CRYBG3: variants seen among roughly 807,000 people sequenced by gnomAD.
CRYBG3 encodes very large A-kinase anchor protein.
CRYBG3 carries 127 observed loss-of-function variants against 244.2 expected under a neutral mutation model. That is an observed-to-expected ratio of 0.52 (90% CI 0.45 to 0.60). The LOEUF is 0.60. Ranked by LOEUF, CRYBG3 falls within the 20% of genes least tolerant of loss-of-function variation. The pLI is 0.00. For missense variants in CRYBG3, 3,325 were observed against 3,442.5 expected (o/e 0.97, Z 0.85); for synonymous variants, 1,132 against 1,195.8 (o/e 0.95, Z 1.10).
At chr3:97,838,293 A>C (rs746918643) in intron 1 of CRYBG3, among the ~76,000 whole-genome samples, 3 of 152,148 alleles carry the variant, frequency 2.0e-5, no homozygotes, top group Non-Finnish European at 4.4e-5. Flanking sequence ...CACACTTAAC[A>C]TCTTTAAATA....
intron 1 of CRYBG3, among the ~76,000 whole-genome samples, chr3:97,823,498 A>G (rs1343066648): frequency 6.6e-6 from 1 of 152,248 alleles, no homozygotes. Context: ...AACATGCCAC[A>G]TGTTTCCAAG....
At chr3:97,909,916 A>G (rs370283228) in intron 15 of CRYBG3, among the ~76,000 whole-genome samples, 1 of 147,470 alleles carries the variant, frequency 6.8e-6, no homozygotes, top group South Asian at 2.2e-4. Flanking sequence ...TGATGTACAG[A>G]TGGGTTTTTG....
chr3:97,911,615 C>A lies in CRYBG3; in HGVS notation c.8005-552C>A, dbSNP rs558584558. The stretch of plus-strand genomic sequence containing the variant: ...CCACTAATCCCGTCATTATTATCTC[C>A]TCTGCCATCTGCTTCTGTGCCCTCC... On this transcript the variant is annotated intron_variant, in intron 15 of 21. Coordinates refer to ENST00000389622, the MANE Select transcript of CRYBG3 (RefSeq NM_153605.4). Among the ~76,000 whole-genome samples, 7 of 152,322 alleles carry A rather than the reference C, an allele frequency of 4.6e-5. No homozygotes were observed. The South Asian group carries it at 1.4e-3, about 32-fold the overall frequency.
chr3:97,883,805 C>T (rs2039477513), intron 7 of CRYBG3, among the ~76,000 whole-genome samples: 1 of 152,146 alleles, frequency 6.6e-6, no homozygotes, highest in South Asian at 2.1e-4. Flanking sequence ...CTTTTTCCAA[C>T]GTTGTCAGAA....
At chr3:97,837,911 A>G (rs770839232) in intron 1 of CRYBG3, among the ~76,000 whole-genome samples, 1 of 152,224 alleles carries the variant, frequency 6.6e-6, no homozygotes, top group East Asian at 1.9e-4. Context: ...AAAGAAAGGC[A>G]TAGGAGGAGG....
At chr3:97,896,604 CAAG>C (rs943626114) in intron 12 of CRYBG3, among the ~76,000 whole-genome samples, 1 of 152,140 alleles carries the variant, frequency 6.6e-6, no homozygotes, top group African/African-American at 2.4e-5. Flanking sequence ...GCCTGTTTAG[CAAG>C]AGATTAACAT....
At chr3:97,890,854 A>G (rs1030765424) in intron 10 of CRYBG3, among the ~76,000 whole-genome samples, 7 of 152,190 alleles carry the variant, frequency 4.6e-5, no homozygotes, top group African/African-American at 1.7e-4. Flanking sequence ...TACTTAATGC[A>G]GCTAGTATTT....
In CRYBG3 at chr3:97,888,329, A is replaced by G. The variant is rs1367512712; in HGVS notation, c.7290-12A>G. The G allele has an allele frequency of 6.6e-7, 1 of 1,508,680 alleles. No homozygotes were observed. Among genetic ancestry groups the G allele is most frequent in the African/African-American group, 1.4e-5 (1 of 72,472 alleles). 93.5% of individuals were successfully genotyped at this position (1,508,680 alleles called of 1,614,324 possible). On this transcript the variant is annotated splice_polypyrimidine_tract_variant and intron_variant, in intron 8 of 21. Coordinates refer to ENST00000389622, the MANE Select transcript of CRYBG3 (RefSeq NM_153605.4). The stretch of plus-strand genomic sequence containing the variant: ...ACTATTATACTTTAACTAACTATCT[A>G]TTTTTATATAGTTGGCTTGCCTACC...
chr3:97,877,371 T>C lies in CRYBG3; in HGVS notation c.6177T>C (p.Gly2059=). 1 of 1,613,988 alleles carries C rather than the reference T, an allele frequency of 6.2e-7. No homozygotes were observed. Among genetic ancestry groups the C allele is most frequent in the South Asian group, 1.1e-5 (1 of 91,078 alleles). Residue 2059 remains glycine, a synonymous_variant, in exon 4 of 22, where the codon GGT becomes GGC. Transcript: ENST00000389622. ...ACTTTGAAAAAGGTACTAAATTAGG[T>C]GAGACATTTGATAGTGATAGTTCAG... ...VHHFEKGTKL[G]ETFDSDSSEM...
chr3:97,847,145 T>A (rs533589619), intron 2 of CRYBG3, among the ~76,000 whole-genome samples: 2 of 152,306 alleles, frequency 1.3e-5, no homozygotes, highest in Non-Finnish European at 2.9e-5. Flanking sequence ...ATGAGGGTTC[T>A]GCCCCCATGA....
intron 2 of CRYBG3, among the ~76,000 whole-genome samples, chr3:97,853,986 T>G (rs1285620577): frequency 6.6e-6 from 1 of 152,224 alleles, no homozygotes; most frequent in Non-Finnish European, 1.5e-5. Context: ...TGATCCATCT[T>G]GAGTTGATTT....
Position 97,877,284 on chromosome 3 carries a change from C to A in CRYBG3, c.6090C>A (p.Ser2030=), listed in dbSNP as rs748363518. 6.2e-7 allele frequency: 1 copy of A among 1,613,918 alleles called. No homozygotes were observed. Among genetic ancestry groups the A allele is most frequent in the East Asian group, 2.2e-5 (1 of 44,870 alleles). The change falls in exon 4 of 22, where the codon TCC becomes TCA. Residue 2030 remains serine (S), a synonymous_variant. Transcript: ENST00000389622. ...QTQSVLFHDT[S]ADSMPVLACE... The stretch of plus-strand genomic sequence containing the variant: ...AGTCTGTCTTGTTTCATGATACGTC[C>A]GCTGACAGCATGCCTGTTCTGGCAT...
intron 1 of CRYBG3, among the ~76,000 whole-genome samples, chr3:97,828,528 T>TAAA (rs59399988): frequency 7.8e-6 from 1 of 127,882 alleles, no homozygotes; most frequent in Admixed American, 8.0e-5. Flanking sequence ...TACATTAAGT[T>TAAA]AAAAAAAAAA....
intron 1 of CRYBG3, among the ~76,000 whole-genome samples, chr3:97,822,986 T>C (rs1445962690): frequency 1.3e-5 from 2 of 152,250 alleles, no homozygotes; most frequent in Non-Finnish European, 2.9e-5. Flanking sequence ...CACCCTTCTT[T>C]ATTTCTCATC....
intron 17 of CRYBG3, among the ~76,000 whole-genome samples, chr3:97,932,018 T>C (rs2040103212): frequency 6.6e-6 from 1 of 152,032 alleles, no homozygotes; most frequent in Non-Finnish European, 1.5e-5. Context: ...AATACCAATT[T>C]AAAATAAATA....
Position 97,874,352 on chromosome 3 carries a change from T to G in CRYBG3, c.3158T>G (p.Leu1053Ter). The G allele has an allele frequency of 6.6e-7, 1 of 1,525,786 alleles. No individual in the cohort carries two copies. Among genetic ancestry groups the G allele is most frequent in the Admixed American group, 2.1e-5 (1 of 48,420 alleles). 94.5% of individuals were successfully genotyped at this position (1,525,786 alleles called of 1,614,324 possible). A position where few individuals can be genotyped will look rare whatever the true frequency, so the allele number is the denominator to read the frequency against. ...AGAAAGAAAGAGAACATCCATTTTT[T>G]AAATGGTGGTATTGATAGTGTGTCA... Reference protein sequence around the residue: ...SYRKKENIHFLNGGIDSVSSS... With the variant: ...SYRKKENIHF The change falls in exon 4 of 22, where the codon TTA (leucine) becomes TGA (stop). Residue 1053 changes from leucine to a stop codon, truncating the protein, a stop_gained. Transcript: ENST00000389622. LOFTEE classifies it high-confidence loss of function.
intron 16 of CRYBG3, among the ~76,000 whole-genome samples, chr3:97,912,897 T>C (rs1306004998): frequency 6.6e-6 from 1 of 152,226 alleles, no homozygotes; most frequent in Non-Finnish European, 1.5e-5. Flanking sequence ...ATATGTAACA[T>C]AAAATTTACC....
At chr3:97,889,780 G>A (rs985246214) in intron 10 of CRYBG3, among the ~76,000 whole-genome samples, 2 of 152,154 alleles carry the variant, frequency 1.3e-5, no homozygotes, top group African/African-American at 4.8e-5. Context: ...CTGATCAAAA[G>A]GAAGTGTAGG....
chr3:97,878,045 A>G lies in CRYBG3; in HGVS notation c.6843+8A>G, dbSNP rs1234952985. ...TTGAGCCCATTTATAGAGGTAAGTT[A>G]TTTTGTTTATTGTATTAATAATAGT... On this transcript the variant is annotated splice_region_variant and intron_variant, in intron 4 of 21. Coordinates refer to ENST00000389622, the MANE Select transcript of CRYBG3 (RefSeq NM_153605.4). 3 of 1,583,366 alleles carry G rather than the reference A, an allele frequency of 1.9e-6. No individual in the cohort carries two copies. Among genetic ancestry groups the G allele is most frequent in the African/African-American group, 1.4e-5 (1 of 73,108 alleles).
Sources: allele counts gnomAD v4.1 joint callset (sites outside exome capture counted in the v4.1 genomes callset), GRCh38; gene constraint gnomAD v4.1.1; transcripts MANE v1.5; gene names NCBI Gene and HGNC (gene_info 2026-07-23, HGNC 2026-07-21).